SLC12A2: variants seen among roughly 807,000 people sequenced by gnomAD.
The protein encoded by SLC12A2 is solute carrier family 12 member 2.
In SLC12A2, 67 loss-of-function variants were observed where a neutral mutation model predicts 136.3. That is an observed-to-expected ratio of 0.49 (90% CI 0.40 to 0.60). The LOEUF (loss-of-function observed/expected upper bound fraction) is 0.60. Among genes scored for constraint, SLC12A2 ranks in the 20% least tolerant of loss-of-function variants. SLC12A2 has a pLI of 0.00. For synonymous variants in SLC12A2, 619 were observed against 562.9 expected, an observed-to-expected ratio of 1.10 and a Z score of -1.41; for missense variants, 1,322 against 1,534.7, an observed-to-expected ratio of 0.86 and a Z score of 2.32.
At chr5:128,131,312 G>A (rs1489594621) in intron 5 of SLC12A2, 106 bp downstream of exon 5, 2 of 1,117,384 alleles carry the variant, frequency 1.8e-6, no homozygotes, top group South Asian at 1.4e-5. Flanking sequence ...ATGACCAAGA[G>A]ATTCGTCCTT....
chr5:128,186,519 G>GTGC lies in SLC12A2; in HGVS notation c.3530_3532dup (p.Ala1177dup). ...AGGAGTCTCCCAGTTGCACGAAAAGGTGCTGTGTCTAGTGCTCTCTACATG... is the reference window on the plus strand; with the variant it reads ...AGGAGTCTCCCAGTTGCACGAAAAGGTGCTGCTGTGTCTAGTGCTCTCTACATG... On this transcript the variant is annotated inframe_insertion, in exon 27 of 27. Coordinates refer to ENST00000262461, the MANE Select transcript of SLC12A2 (RefSeq NM_001046.3). The GTGC allele has an allele frequency of 6.2e-7, 1 of 1,612,520 alleles. No individual in the cohort carries two copies. The highest frequency in any genetic ancestry group is 8.5e-7 in the Non-Finnish European group (1 of 1,179,520).
intron 1 of SLC12A2, among the ~76,000 whole-genome samples, chr5:128,103,722 A>G (rs564619395): frequency 7.2e-5 from 11 of 152,362 alleles, no homozygotes; most frequent in African/African-American, 2.2e-4. Flanking sequence ...AGCCATCTTC[A>G]AAGTGCATTT....
chr5:128,150,394 G>A (rs367936704), intron 13 of SLC12A2, among the ~76,000 whole-genome samples: 1 of 151,430 alleles, frequency 6.6e-6, no homozygotes, highest in African/African-American at 2.4e-5. Flanking sequence ...TTCTATTTTA[G>A]TTCTAAGAAC....
intron 5 of SLC12A2, among the ~76,000 whole-genome samples, chr5:128,131,827 G>A (rs1044316808): frequency 6.6e-6 from 1 of 152,102 alleles, no homozygotes; most frequent in Admixed American, 6.6e-5. Context: ...CCAACGTGGA[G>A]AAACCCGGTC....
chr5:128,114,290 A>G lies in SLC12A2; in HGVS notation c.952+3A>G. ...GATTGTGGGTCAAGCTGGAATAGGT[A>G]AGTGAAGTTATATCCTGCTTGATTT... is the stretch of plus-strand genomic sequence containing the variant. On this transcript the variant is annotated splice_donor_region_variant and intron_variant, in intron 3 of 26. Transcript: ENST00000262461. 2 of 1,606,700 alleles carry G rather than the reference A, an allele frequency of 1.2e-6. No homozygotes were observed. Among genetic ancestry groups the G allele is most frequent in the East Asian group, 2.2e-5 (1 of 44,770 alleles).
At chr5:128,130,122 A>G (rs1561675847) in intron 4 of SLC12A2, among the ~76,000 whole-genome samples, 1 of 152,004 alleles carries the variant, frequency 6.6e-6, no homozygotes. Context: ...TTTAGAAGTT[A>G]CATTAAGGCT....
chr5:128,098,930 TTAG>T (rs1760643223), intron 1 of SLC12A2, among the ~76,000 whole-genome samples: 1 of 152,128 alleles, frequency 6.6e-6, no homozygotes, highest in African/African-American at 2.4e-5. Flanking sequence ...ATATTTCAAG[TTAG>T]TAGGGCTTTA....
chr5:128,112,994 T>A, intron 2 of SLC12A2, 61 bp downstream of exon 2: 1 of 1,425,020 alleles, frequency 7.0e-7, no homozygotes, highest in Non-Finnish European at 9.4e-7. Flanking sequence ...AAAATCTTCC[T>A]AACGTTCTCA....
chr5:128,184,132 AG>A (rs1763794556), intron 24 of SLC12A2, among the ~76,000 whole-genome samples: 1 of 152,040 alleles, frequency 6.6e-6, no homozygotes, highest in South Asian at 2.1e-4. Flanking sequence ...ATTTCAGATT[AG>A]GGATGCACAA....
intron 10 of SLC12A2, among the ~76,000 whole-genome samples, chr5:128,145,278 T>C (rs1213007913): frequency 6.6e-6 from 1 of 152,128 alleles, no homozygotes; most frequent in African/African-American, 2.4e-5. Context: ...CAATGCAGAA[T>C]GTATCATATA....
chr5:128,174,216 G>C (rs895930629), intron 19 of SLC12A2, among the ~76,000 whole-genome samples: 6 of 152,076 alleles, frequency 3.9e-5, no homozygotes, highest in African/African-American at 1.4e-4. Context: ...GGGAGAGGTT[G>C]ATTTTGGAAT....
In SLC12A2 at chr5:128,126,966, A is replaced by ATATATATATATATATATATATAATTTTTT; in HGVS notation, c.1049-4100_1049-4099insATATATATATATATATATATAATTTTTTT. Among the ~76,000 whole-genome samples the ATATATATATATATATATATATAATTTTTT allele has an allele frequency of 2.4e-4, 5 of 21,160 alleles. 1 individual carries two copies. The highest frequency in any genetic ancestry group is 1.2e-3 in the African/African-American group (5 of 4,030). The allele number at this position is 21,160 out of a possible 152,430, so 13.9% of individuals were successfully genotyped here. ...CATATATATATATATATATATATAT[A>ATATATATATATATATATATATAATTTTTT]TTTTTTTTTTTTTTTTTTTTTGCAT... On this transcript the variant is annotated intron_variant, in intron 4 of 26. Transcript: ENST00000262461.
chr5:128,130,811 A>G (rs1761992765), intron 4 of SLC12A2, among the ~76,000 whole-genome samples: 1 of 152,236 alleles, frequency 6.6e-6, no homozygotes. Flanking sequence ...ACTTTAAAAG[A>G]TAAAATGGGA....
intron 1 of SLC12A2, chr5:128,110,670 A>G (rs139912010): frequency 3.0e-5 from 39 of 1,297,232 alleles, no homozygotes; most frequent in South Asian, 4.7e-5. Context: ...TCCGTCTACT[A>G]TGAACATTTT....
chr5:128,166,920 GA>G (rs778366275), intron 17 of SLC12A2, among the ~76,000 whole-genome samples: 3 of 151,838 alleles, frequency 2.0e-5, no homozygotes, highest in Non-Finnish European at 4.4e-5. Context: ...AATTTTGGGG[GA>G]TACTTTGGCC....
chr5:128,142,034 A>C (rs1762383933), intron 10 of SLC12A2, 53 bp downstream of exon 10: 2 of 1,436,280 alleles, frequency 1.4e-6, no homozygotes, highest in Non-Finnish European at 2.0e-6. Flanking sequence ...TAGGGGTGAG[A>C]CTACTATCAA....
At chr5:128,177,440 TGA>T (rs1763572698) in intron 21 of SLC12A2, 1 of 248,494 alleles carries the variant, frequency 4.0e-6, no homozygotes, top group East Asian at 1.0e-4. Context: ...ATGGTTTAGA[TGA>T]TAAGTAGGGA....
chr5:128,108,234 A>G (rs1187850052), intron 1 of SLC12A2, among the ~76,000 whole-genome samples: 2 of 152,142 alleles, frequency 1.3e-5, no homozygotes, highest in African/African-American at 2.4e-5. Flanking sequence ...ATACAAAGGA[A>G]GAGATGAGAA....
intron 26 of SLC12A2, 30 bp from the exon 27 acceptor site, chr5:128,186,466 T>C (rs2126763449): frequency 1.3e-6 from 2 of 1,566,576 alleles, no homozygotes; most frequent in Non-Finnish European, 1.7e-6. Context: ...TCAGGGTTTT[T>C]TTTTTTTCTT....
Sources: gnomAD v4.1 joint callset for allele counts (sites outside exome capture counted in the v4.1 genomes callset) on GRCh38, gnomAD v4.1.1 for gene constraint, MANE v1.5 for transcripts, NCBI Gene and HGNC (gene_info 2026-07-23, HGNC 2026-07-21) for gene names.